SMIM22: variants seen among roughly 807,000 people sequenced by gnomAD.
SMIM22 encodes small integral membrane protein 22, also known as cancer associated small integral membrane open reading frame 1.
Under a neutral mutation model 8.4 loss-of-function variants are expected in SMIM22, and 16 were observed. The observed-to-expected ratio is 1.90, with a 90% CI of 1.29 to 2.89. The LOEUF (loss-of-function observed/expected upper bound fraction) is 2.89. Among genes scored for constraint, SMIM22 ranks in the 30% most tolerant of loss-of-function variants. The pLI, the probability that SMIM22 is intolerant of heterozygous loss-of-function variation, is 0.00. For missense variants in SMIM22, 159 were observed against 107.5 expected (o/e 1.48, Z -2.12); for synonymous variants, 67 against 47.6 (o/e 1.41, Z -1.68).
Position 4,795,434 on chromosome 16 carries a change from T to A in SMIM22, c.-36T>A. ...CCAGGACCTGCCTGGTTGGGGGAAT[T>A]GGAGGCTTCTAGGAGGTAGGTGGGG... On this transcript the variant is annotated 5_prime_UTR_variant, in exon 1 of 4. Coordinates refer to ENST00000586005, the MANE Select transcript of SMIM22 (RefSeq NM_001253794.2). 1 of 392,844 alleles carries A rather than the reference T, an allele frequency of 2.5e-6. No individual in the cohort carries two copies. The highest frequency in any genetic ancestry group is 4.2e-5 in the Admixed American group (1 of 23,678). The allele number at this position is 392,844 out of a possible 1,614,324, so 24.3% of individuals were successfully genotyped here. A position where few individuals can be genotyped will look rare whatever the true frequency, so the allele number is the denominator to read the frequency against.
chr16:4,792,290 A>AAG (rs1275719713), upstream of SMIM22, among the ~76,000 whole-genome samples: 2 of 151,374 alleles, frequency 1.3e-5, no homozygotes, highest in African/African-American at 4.8e-5. Context: ...TCCCGGGTTC[A>AAG]TGCCATTCTC....
intron 1 of SMIM22, 35 bp downstream of exon 1, chr16:4,795,484 G>C: frequency 1.8e-6 from 1 of 541,050 alleles, no homozygotes; most frequent in East Asian, 3.5e-5. Flanking sequence ...CTGCCAGGGG[G>C]AGAGAGAGGG....
In SMIM22 at chr16:4,795,851, C is replaced by T; in HGVS notation, c.117C>T (p.Thr39=). ...WDTVAFIVFL[T]FMGTVLLLLL... ...CTGTTGCCTTCATTGTTTTCCTCACCTTCATGGGTAAGTGTGGCTGTGGCC... is the reference window on the plus strand; with the variant it reads ...CTGTTGCCTTCATTGTTTTCCTCACTTTCATGGGTAAGTGTGGCTGTGGCC... Residue 39 remains threonine (T), a synonymous_variant, in exon 2 of 4, where the codon ACC becomes ACT. Coordinates refer to ENST00000586005, the MANE Select transcript of SMIM22 (RefSeq NM_001253794.2). The T allele has an allele frequency of 2.0e-6, 3 of 1,535,888 alleles. No individual in the cohort carries two copies. The highest frequency in any genetic ancestry group is 2.6e-6 in the Non-Finnish European group (3 of 1,146,742).
At chr16:4,789,074 A>C (rs1262459870) in intron 2 of SMIM22, among the ~76,000 whole-genome samples, 1 of 152,232 alleles carries the variant, frequency 6.6e-6, no homozygotes, top group Non-Finnish European at 1.5e-5. Flanking sequence ...GCTGGAATGC[A>C]GTGGCGCGAT....
chr16:4,789,305 C>G (rs554958592), intron 2 of SMIM22, among the ~76,000 whole-genome samples: 1 of 152,004 alleles, frequency 6.6e-6, no homozygotes, highest in Non-Finnish European at 1.5e-5. Context: ...CCATGCCTGG[C>G]CTTTTTTTTT....
upstream of SMIM22, among the ~76,000 whole-genome samples, chr16:4,794,749 T>A (rs1397281685): frequency 6.6e-6 from 1 of 152,142 alleles, no homozygotes; most frequent in Non-Finnish European, 1.5e-5. Context: ...AGAGGTGGGG[T>A]TTCGCCATGT....
upstream of SMIM22, among the ~76,000 whole-genome samples, chr16:4,794,736 A>G (rs569097596): frequency 2.0e-5 from 3 of 152,214 alleles, no homozygotes; most frequent in East Asian, 5.8e-4. Context: ...TTGTATTTTT[A>G]GTAGAGGTGG....
At chr16:4,793,863 G>C (rs1025350241), upstream of SMIM22, among the ~76,000 whole-genome samples, 6 of 152,142 alleles carry the variant, frequency 3.9e-5, no homozygotes, top group Admixed American at 2.0e-4. Context: ...TGCAGCCTCT[G>C]CCTCCTGGGT....
chr16:4,793,109 CAAAAA>C (rs3085033), upstream of SMIM22, among the ~76,000 whole-genome samples: 2 of 67,514 alleles, frequency 3.0e-5, no homozygotes, highest in East Asian at 8.7e-4. Flanking sequence ...AACTCTGTCT[CAAAAA>C]AAAAAAAAAA....
At position 4,795,989 on chromosome 16, in the gene SMIM22, T is replaced by C. The variant is rs958197838; in HGVS notation, c.166T>C (p.Cys56Arg). The change falls in exon 3 of 4, where the codon TGC (cysteine) becomes CGC (arginine). Residue 56 changes from cysteine to arginine, a missense_variant. Physicochemically the swap from Cys to Arg is radical, Grantham distance 180. Coordinates refer to ENST00000586005, the MANE Select transcript of SMIM22 (RefSeq NM_001253794.2). ...GCTGCTGCTGGTCGTCGCCCACTGCTGCTGCTGCAGCTCCCCCGGGCCCCG... is the reference window on the plus strand; with the variant it reads ...GCTGCTGCTGGTCGTCGCCCACTGCCGCTGCTGCAGCTCCCCCGGGCCCCG... ...LLLLLVVAHC[C>R]CCSSPGPRRE... is the part of the protein sequence containing the mutation. 3 of 1,507,924 alleles carry C rather than the reference T, an allele frequency of 2.0e-6. No individual in the cohort carries two copies. The highest frequency in any genetic ancestry group is 2.1e-5 in the Admixed American group (1 of 48,314). 93.4% of individuals were successfully genotyped at this position (1,507,924 alleles called of 1,614,324 possible).
Position 4,788,522 on chromosome 16 carries a change from G to GC in SMIM22, c.-241dup, listed in dbSNP as rs1240741436. The GC allele has an allele frequency of 3.9e-5, 6 of 152,278 alleles. 1 individual carries two copies. In the East Asian group the frequency reaches 1.2e-3, roughly 29 times the overall value. 9.4% of individuals were successfully genotyped at this position (152,278 alleles called of 1,614,324 possible). ...CCCCAAGTAGAACCAGGGGCCCAAG[G>GC]CCCCCTCGTCAGCTGGGCTCCCACC... On this transcript the variant is annotated 5_prime_UTR_variant, in exon 1 of 6. Coordinates refer to the SMIM22 transcript ENST00000589327.
chr16:4,796,159 C>A, intron 3 of SMIM22, 31 bp from the exon 4 acceptor site: 1 of 1,535,904 alleles, frequency 6.5e-7, no homozygotes, highest in Non-Finnish European at 8.7e-7. Flanking sequence ...AACGAGCGAA[C>A]CTGCTTGGTC....
chr16:4,790,590 C>T (rs1039018034), upstream of SMIM22, among the ~76,000 whole-genome samples: 5 of 152,176 alleles, frequency 3.3e-5, no homozygotes, highest in African/African-American at 1.2e-4. Flanking sequence ...CGGTTTGAGA[C>T]CAGCCTGGCC....
rs1331892045 is a variant in SMIM22 at position 4,795,967 on chromosome 16, G to C, written c.144G>C (p.Leu48=). ...CCCCAGGCACCGTGCTGCTCCTGCTGCTGCTGGTCGTCGCCCACTGCTGCT... is the reference window on the plus strand; with the variant it reads ...CCCCAGGCACCGTGCTGCTCCTGCTCCTGCTGGTCGTCGCCCACTGCTGCT... The part of the protein sequence containing the change: ...LTFMGTVLLL[L]LLVVAHCCCC... The change falls in exon 3 of 4, where the codon CTG becomes CTC. Residue 48 remains leucine, a synonymous_variant. Transcript: ENST00000586005. 2.7e-6 allele frequency: 4 copies of C among 1,506,198 alleles called. No individual in the cohort carries two copies. In the African/African-American group the frequency reaches 4.1e-5, roughly 16 times the overall value. 93.3% of individuals were successfully genotyped at this position (1,506,198 alleles called of 1,614,324 possible). A position where few individuals can be genotyped will look rare whatever the true frequency, so the allele number is the denominator to read the frequency against.
upstream of SMIM22, among the ~76,000 whole-genome samples, chr16:4,793,545 T>C (rs903200031): frequency 6.6e-6 from 1 of 152,164 alleles, no homozygotes; most frequent in Non-Finnish European, 1.5e-5. Flanking sequence ...GAGCCCCACA[T>C]TAGCTGATAT....
At chr16:4,796,120 C>T (rs1021105715) in intron 3 of SMIM22, 70 bp from the exon 4 acceptor site, 19 of 1,535,306 alleles carry the variant, frequency 1.2e-5, no homozygotes, top group Admixed American at 3.9e-5. Flanking sequence ...AGGGGAGTGG[C>T]GGGAAGGGTG....
chr16:4,791,585 A>G (rs946844752), upstream of SMIM22, among the ~76,000 whole-genome samples: 5 of 152,118 alleles, frequency 3.3e-5, no homozygotes, highest in South Asian at 2.1e-4. Context: ...ATGGCATGCA[A>G]TCGAACCTGG....
chr16:4,789,394 C>T (rs2082514196), intron 2 of SMIM22, among the ~76,000 whole-genome samples: 1 of 151,450 alleles, frequency 6.6e-6, no homozygotes, highest in South Asian at 2.1e-4. Context: ...GGCATGATCT[C>T]GGCTCACTGT....
upstream of SMIM22, among the ~76,000 whole-genome samples, chr16:4,791,180 G>C (rs2082545393): frequency 6.6e-6 from 1 of 152,200 alleles, no homozygotes; most frequent in Non-Finnish European, 1.5e-5. Flanking sequence ...GGTGAGGGGA[G>C]GAGCCTCACT....
Sources: allele counts gnomAD v4.1 joint callset (sites outside exome capture counted in the v4.1 genomes callset), GRCh38; gene constraint gnomAD v4.1.1; transcripts MANE v1.5; gene names NCBI Gene and HGNC (gene_info 2026-07-23, HGNC 2026-07-21).